The following AFG2A variants were observed in gnomAD, a reference collection of about 807,000 sequenced individuals.
AFG2A encodes the protein AAA ATPase AFG2A, also known as ATPase family gene 2 protein homolog A.
chr4:123,166,952 A>G, the AFG2A span, among the ~76,000 whole-genome samples: 1 of 151,648 alleles, frequency 6.6e-6, no homozygotes, highest in South Asian at 2.1e-4. Context: ...CTGGATTTAA[A>G]CTCCCTGGGT....
the AFG2A span, among the ~76,000 whole-genome samples, chr4:123,108,024 G>A: frequency 6.6e-6 from 1 of 152,194 alleles, no homozygotes; most frequent in African/African-American, 2.4e-5. Flanking sequence ...GACAACTGCA[G>A]TGAGCCCCGC....
the AFG2A span, among the ~76,000 whole-genome samples, chr4:123,131,021 T>C: frequency 3.3e-5 from 5 of 151,942 alleles, no homozygotes; most frequent in Non-Finnish European, 7.4e-5. Context: ...ACCAGCAATA[T>C]CAGGCATCTC....
the AFG2A span, among the ~76,000 whole-genome samples, chr4:123,239,831 A>G: frequency 6.6e-6 from 1 of 152,220 alleles, no homozygotes; most frequent in Non-Finnish European, 1.5e-5. Context: ...ACATAACAAT[A>G]CTAACCTTAA....
At chr4:122,929,127 G>C in the AFG2A span, 1 of 1,613,602 alleles carries the variant, frequency 6.2e-7, no homozygotes, top group Non-Finnish European at 8.5e-7. Flanking sequence ...TGTGAGGCCT[G>C]GTGATGCCAT....
At chr4:123,032,433 C>G in the AFG2A span, among the ~76,000 whole-genome samples, 5 of 152,228 alleles carry the variant, frequency 3.3e-5, no homozygotes, top group Non-Finnish European at 7.4e-5. Flanking sequence ...CACTCTGTCG[C>G]CCAGGCTGGA....
the AFG2A span, among the ~76,000 whole-genome samples, chr4:123,186,829 C>T: frequency 6.6e-6 from 1 of 151,724 alleles, no homozygotes; most frequent in Non-Finnish European, 1.5e-5. Flanking sequence ...AAGAGAATAC[C>T]CTATTCATTG....
chr4:123,284,448 A>C, the AFG2A span, among the ~76,000 whole-genome samples: 2 of 152,200 alleles, frequency 1.3e-5, no homozygotes, highest in East Asian at 3.8e-4. Flanking sequence ...GAAAATTGGA[A>C]GCAGGACTTT....
the AFG2A span, among the ~76,000 whole-genome samples, chr4:122,968,199 C>A: frequency 6.6e-6 from 1 of 152,114 alleles, no homozygotes; most frequent in Non-Finnish European, 1.5e-5. Flanking sequence ...TACCATCCCT[C>A]AATGTTATTT....
the AFG2A span, among the ~76,000 whole-genome samples, chr4:123,172,453 T>TCCCTAATAA: frequency 1.3e-5 from 2 of 152,230 alleles, no homozygotes; most frequent in East Asian, 3.8e-4. Context: ...TCAAAGTGTA[T>TCCCTAATAA]CCCTAATAAC....
the AFG2A span, among the ~76,000 whole-genome samples, chr4:122,998,917 T>C: frequency 3.7e-4 from 57 of 152,224 alleles, no homozygotes; most frequent in Admixed American, 2.8e-3. Flanking sequence ...AACTGGTTTA[T>C]AGTCCCACCA....
the AFG2A span, among the ~76,000 whole-genome samples, chr4:123,115,134 G>T: frequency 6.6e-6 from 1 of 152,052 alleles, no homozygotes; most frequent in Non-Finnish European, 1.5e-5. Flanking sequence ...CCATCGCTGG[G>T]CTGGGCTGCC....
the AFG2A span, among the ~76,000 whole-genome samples, chr4:123,252,173 T>C: frequency 4.3e-4 from 65 of 152,178 alleles, no homozygotes; most frequent in Non-Finnish European, 7.8e-4. Flanking sequence ...CACAGTGTTA[T>C]CCAAATTTAT....
the AFG2A span, among the ~76,000 whole-genome samples, chr4:123,268,936 A>G: frequency 3.3e-5 from 5 of 152,198 alleles, no homozygotes; most frequent in East Asian, 1.9e-4. Flanking sequence ...AGTTGTCACT[A>G]TTTGACTCTA....
the AFG2A span, among the ~76,000 whole-genome samples, chr4:123,129,449 T>C: frequency 6.6e-6 from 1 of 152,122 alleles, no homozygotes; most frequent in Admixed American, 6.5e-5. Context: ...AAAATAAATA[T>C]ATTCTCTATT....
the AFG2A span, among the ~76,000 whole-genome samples, chr4:123,296,833 T>C: frequency 6.6e-6 from 1 of 152,230 alleles, no homozygotes; most frequent in Non-Finnish European, 1.5e-5. Flanking sequence ...CCCTTTCTCC[T>C]ATTTTCTAAG....
At chr4:123,262,725 A>T in the AFG2A span, among the ~76,000 whole-genome samples, 15 of 152,320 alleles carry the variant, frequency 9.8e-5, no homozygotes, top group African/African-American at 3.4e-4. Flanking sequence ...TGTTTTTATC[A>T]ATTAATTTCT....
the AFG2A span, among the ~76,000 whole-genome samples, chr4:123,260,798 CAGTGTACTTGTCTCCAA>C: frequency 6.6e-6 from 1 of 152,216 alleles, no homozygotes; most frequent in Non-Finnish European, 1.5e-5. Flanking sequence ...CAGCTAGCAG[CAGTGTACTTGTCTCCAA>C]AGTGAAGCAG....
the AFG2A span, among the ~76,000 whole-genome samples, chr4:123,310,767 C>A: frequency 6.6e-6 from 1 of 152,296 alleles, no homozygotes; most frequent in Non-Finnish European, 1.5e-5. Context: ...TTACATTTCC[C>A]TCAGTTACTG....
the AFG2A span, among the ~76,000 whole-genome samples, chr4:123,311,088 T>C: frequency 6.6e-6 from 1 of 152,214 alleles, no homozygotes; most frequent in African/African-American, 2.4e-5. Flanking sequence ...GTCAAAACTC[T>C]GTCCAAGTTT....
Sources: gnomAD v4.1 joint callset for allele counts (sites outside exome capture counted in the v4.1 genomes callset) on GRCh38, gnomAD v4.1.1 for gene constraint, MANE v1.5 for transcripts, NCBI Gene and HGNC (gene_info 2026-07-23, HGNC 2026-07-21) for gene names.